Variants in RARB observed in about 807,000 individuals in gnomAD.
RARB encodes retinoic acid receptor beta.
RARB carries 17 observed loss-of-function variants against 51.9 expected under a neutral mutation model. The observed-to-expected ratio is 0.33, with a 90% CI of 0.22 to 0.49. The LOEUF is 0.49. Among genes scored for constraint, RARB ranks in the 20% least tolerant of loss-of-function variants. The pLI is 0.99. For missense variants in RARB, 369 were observed against 550.8 expected, an observed-to-expected ratio of 0.67 and a Z score of 3.30; for synonymous variants, 215 against 195.4, an observed-to-expected ratio of 1.10 and a Z score of -0.84.
intron 5 of RARB, among the ~76,000 whole-genome samples, chr3:25,391,705 A>G (rs565298427): frequency 1.2e-3 from 190 of 152,036 alleles, no homozygotes; most frequent in African/African-American, 4.3e-3. Context: ...AGAATTGTCT[A>G]TTTATGTCCT....
intron 5 of RARB, among the ~76,000 whole-genome samples, chr3:25,360,380 G>A (rs1705892772): frequency 6.6e-6 from 1 of 152,170 alleles, no homozygotes; most frequent in Non-Finnish European, 1.5e-5. Flanking sequence ...CTGCATGTGA[G>A]ATGGGTCTCC....
intron 5 of RARB, among the ~76,000 whole-genome samples, chr3:25,367,652 T>TAA (rs34629828): frequency 0.028 from 3,855 of 139,260 alleles, 208 homozygotes; most frequent in African/African-American, 0.098. Flanking sequence ...CCCATCTCTA[T>TAA]AAAAAAAAAA....
chr3:24,961,723 G>A (rs1381392907), intron 2 of RARB, among the ~76,000 whole-genome samples: 2 of 152,044 alleles, frequency 1.3e-5, no homozygotes, highest in African/African-American at 2.4e-5. Context: ...GGAAACTGAG[G>A]CTCCAAAACA....
At chr3:25,501,394 T>C (rs1409450549) in intron 3 of RARB, 71 bp downstream of exon 3, 3 of 1,561,794 alleles carry the variant, frequency 1.9e-6, no homozygotes, top group Non-Finnish European at 8.6e-7. Context: ...TCCACAGTCA[T>C]GTGGAATTCA....
intron 2 of RARB, among the ~76,000 whole-genome samples, chr3:24,989,127 A>C (rs1471219797): frequency 1.3e-5 from 2 of 152,162 alleles, no homozygotes; most frequent in East Asian, 3.9e-4. Context: ...CACCCGGCCC[A>C]CTTATTGTTT....
At position 25,287,911 on chromosome 3, in the gene RARB, C is replaced by T. The variant is rs200121768; in HGVS notation, c.178+113336C>T. Among the ~76,000 whole-genome samples the T allele has an allele frequency of 2.2e-4, 33 of 151,980 alleles. No individual in the cohort carries two copies. In the East Asian group the frequency reaches 2.9e-3, roughly 13 times the overall value. On this transcript the variant is annotated intron_variant, in intron 5 of 11. Transcript: ENST00000383772. The stretch of plus-strand genomic sequence containing the variant: ...TCGACTGTGATCTTAAACATTCAGA[C>T]GCTCTATGTAAGATCACAAACTTAA...
At chr3:24,880,352 G>T (rs1233849302) in intron 2 of RARB, among the ~76,000 whole-genome samples, 1 of 151,990 alleles carries the variant, frequency 6.6e-6, no homozygotes, top group Non-Finnish European at 1.5e-5. Context: ...AGGAAAACTG[G>T]GGGTGGGGGC....
chr3:25,501,474 T>C (rs560546133), intron 3 of RARB, 151 bp downstream of exon 3: 49 of 991,076 alleles, frequency 4.9e-5, no homozygotes, highest in South Asian at 1.1e-4. Flanking sequence ...GGGATTGATA[T>C]GGAGATTTTG....
chr3:25,473,878 C>T (rs1336651387), intron 2 of RARB, among the ~76,000 whole-genome samples: 1 of 133,962 alleles, frequency 7.5e-6, no homozygotes, highest in Non-Finnish European at 1.5e-5. Flanking sequence ...TTCGGTGACC[C>T]TCTCGGTTCT....
At chr3:25,522,057 G>A (rs903028000) in intron 3 of RARB, among the ~76,000 whole-genome samples, 3 of 151,882 alleles carry the variant, frequency 2.0e-5, no homozygotes, top group African/African-American at 7.3e-5. Context: ...CTATAAAAGA[G>A]TATCATCATT....
intron 3 of RARB, among the ~76,000 whole-genome samples, chr3:25,502,292 T>C (rs1176573923): frequency 6.6e-6 from 1 of 152,184 alleles, no homozygotes; most frequent in Non-Finnish European, 1.5e-5. Context: ...GTTGGAGGAA[T>C]TACATTATGA....
At chr3:25,065,493 G>A (rs1698643423) in intron 3 of RARB, among the ~76,000 whole-genome samples, 1 of 152,242 alleles carries the variant, frequency 6.6e-6, no homozygotes, top group Non-Finnish European at 1.5e-5. Context: ...ACTGATTCAA[G>A]CACTGTAAAA....
At chr3:25,216,341 A>G (rs983618814) in intron 5 of RARB, among the ~76,000 whole-genome samples, 3 of 152,212 alleles carry the variant, frequency 2.0e-5, no homozygotes, top group Admixed American at 1.3e-4. Flanking sequence ...CTTTAAAAAA[A>G]TATTTATTGA....
intron 2 of RARB, among the ~76,000 whole-genome samples, chr3:24,875,065 T>A (rs927325371): frequency 6.6e-6 from 1 of 152,270 alleles, no homozygotes; most frequent in Non-Finnish European, 1.5e-5. Context: ...TTTATATGCT[T>A]CTGTTAAACA....
At chr3:25,182,663 G>A (rs17015918) in intron 5 of RARB, among the ~76,000 whole-genome samples, 2,065 of 152,236 alleles carry the variant, frequency 0.014, 48 homozygotes, top group African/African-American at 0.048. Flanking sequence ...TTTCACTTGT[G>A]TGTGGTGTCA....
chr3:25,232,819 T>G (rs370862264), intron 5 of RARB, among the ~76,000 whole-genome samples: 4 of 152,130 alleles, frequency 2.6e-5, no homozygotes, highest in African/African-American at 9.7e-5. Context: ...ATAAATTACA[T>G]GAGATATTCA....
rs544314118 is a variant in RARB at position 25,048,409 on chromosome 3, C to A, written c.-379-11716C>A. On this transcript the variant is annotated intron_variant, in intron 2 of 11. Coordinates refer to the RARB transcript ENST00000383772. ...ATATGATATCTTAATTAAGTACACA[C>A]AACTTTCCTATATGAATACATGTTA... Among the ~76,000 whole-genome samples, 6 of 152,292 alleles carry A rather than the reference C, an allele frequency of 3.9e-5. No homozygotes were observed. In the East Asian group the frequency reaches 1.2e-3, roughly 29 times the overall value.
chr3:25,163,946 C>T (rs1294167132), intron 4 of RARB, among the ~76,000 whole-genome samples: 3 of 152,154 alleles, frequency 2.0e-5, no homozygotes, highest in South Asian at 4.1e-4. Flanking sequence ...GAACTAACTG[C>T]GTCTCACACA....
intron 5 of RARB, among the ~76,000 whole-genome samples, chr3:25,212,948 C>G (rs1701734194): frequency 6.6e-6 from 1 of 152,158 alleles, no homozygotes. Flanking sequence ...TAAGGAAGGT[C>G]CCTGAGCATT....
Sources: gnomAD v4.1 joint callset for allele counts (sites outside exome capture counted in the v4.1 genomes callset) on GRCh38, gnomAD v4.1.1 for gene constraint, MANE v1.5 for transcripts, NCBI Gene and HGNC (gene_info 2026-07-23, HGNC 2026-07-21) for gene names.